The following KIF13B variants were observed in gnomAD, a reference collection of about 807,000 sequenced individuals.
KIF13B encodes kinesin-like protein KIF13B.
A neutral mutation model predicts 222.0 loss-of-function variants in KIF13B; 127 were observed. The observed-to-expected ratio is 0.57, with a 90% confidence interval of 0.50 to 0.66. KIF13B has a LOEUF of 0.66. Among genes scored for constraint, KIF13B ranks in the 30% least tolerant of loss-of-function variants. The pLI is 0.00. For missense variants in KIF13B, 2,173 were observed against 2,379.0 expected (o/e 0.91, Z 1.80); for synonymous variants, 976 against 919.0 (o/e 1.06, Z -1.12).
chr8:29,080,327 C>CAAAAA (rs5890439), intron 37 of KIF13B, among the ~76,000 whole-genome samples: 4 of 67,108 alleles, frequency 6.0e-5, no homozygotes, highest in Non-Finnish European at 7.9e-5. Context: ...GACCCAGTCT[C>CAAAAA]AAAAAAAAAA....
intron 13 of KIF13B, among the ~76,000 whole-genome samples, chr8:29,156,093 C>CG: frequency 1.3e-5 from 2 of 152,166 alleles, no homozygotes; most frequent in Admixed American, 1.3e-4. Flanking sequence ...CTCAGCCACC[C>CG]GAGTAGCTGG....
At position 29,134,195 on chromosome 8, in the gene KIF13B, C is replaced by G. The variant is rs1810463818; in HGVS notation, c.2629G>C (p.Ala877Pro). Residue 877 changes from alanine (A) to proline (P), a missense_variant, in exon 22 of 40, where the codon GCT becomes CCT. Ala to Pro is a conservative substitution (Grantham distance 27). Around this residue, in one of 2 missense-constraint regions of KIF13B, gnomAD observed 1,480 missense variants for 1,722.8 expected, o/e 0.86. Transcript: ENST00000524189. ...GACAGATGCTGTGGCAACCCAGTAG[C>G]TTGCAGGATTTTAACCTGAAGGAAA... ...KLVCMVKILQ[A>P]TGLPQHLSHF... 3 of 1,613,698 alleles carry G rather than the reference C, an allele frequency of 1.9e-6. No homozygotes were observed. The highest frequency in any genetic ancestry group is 2.5e-6 in the Non-Finnish European group (3 of 1,179,846).
intron 2 of KIF13B, among the ~76,000 whole-genome samples, chr8:29,225,635 G>A (rs1396254126): frequency 1.3e-5 from 2 of 152,222 alleles, no homozygotes; most frequent in Non-Finnish European, 2.9e-5. Flanking sequence ...GTGTTTCTAA[G>A]CAGAGATTTT....
intron 29 of KIF13B, 150 bp downstream of exon 29, chr8:29,122,441 C>T (rs982854088): frequency 2.4e-5 from 16 of 653,706 alleles, no homozygotes; most frequent in South Asian, 5.6e-5. Flanking sequence ...CCAATCAGTC[C>T]GTCTGCAACC....
chr8:29,174,229 A>G (rs1200795062), intron 10 of KIF13B, among the ~76,000 whole-genome samples: 1 of 152,136 alleles, frequency 6.6e-6, no homozygotes, highest in Non-Finnish European at 1.5e-5. Context: ...TATAACTGCA[A>G]GTTTGTTCAC....
At chr8:29,092,478 C>T (rs1395048562) in intron 37 of KIF13B, among the ~76,000 whole-genome samples, 2 of 152,300 alleles carry the variant, frequency 1.3e-5, no homozygotes, top group African/African-American at 2.4e-5. Flanking sequence ...ATTTTACTAC[C>T]GCTGCTCTAA....
In KIF13B at chr8:29,078,127, CAAAAAAA is replaced by C. The variant is rs10530503; in HGVS notation, c.4459-2791_4459-2785del. On this transcript the variant is annotated intron_variant, in intron 37 of 39. Coordinates refer to ENST00000524189, the MANE Select transcript of KIF13B (RefSeq NM_015254.4). ...GTGAAACCGTGTCTCTACTAAAATC[CAAAAAAA>C]AAAAAAAAAAATTAGCAGGGCATGG... Among the ~76,000 whole-genome samples, 3 of 74,306 alleles carry C rather than the reference CAAAAAAA, an allele frequency of 4.0e-5. 1 individual carries two copies. The highest frequency in any genetic ancestry group is 1.2e-4 in the African/African-American group (2 of 16,710). 48.7% of individuals were successfully genotyped at this position (74,306 alleles called of 152,430 possible).
Position 29,228,472 on chromosome 8 carries a change from A to AAAAAAAAAAATATATATATATAT in KIF13B, c.149+16873_149+16874insATATATATATATATTTTTTTTTT. 2.0e-4 allele frequency among the ~76,000 whole-genome samples: 24 copies of AAAAAAAAAAATATATATATATAT among 117,076 alleles called. 1 individual carries two copies. The highest frequency in any genetic ancestry group is 5.2e-4 in the African/African-American group (16 of 30,722). The allele number at this position is 117,076 out of a possible 152,430, so 76.8% of individuals were successfully genotyped here. ...ACAGAGCCAGACTCCATCTTAAAAAAATATATATATATATATATGAGATAC... is the reference window on the plus strand; with the variant it reads ...ACAGAGCCAGACTCCATCTTAAAAAAAAAAAAAAAATATATATATATATATATATATATATATATATGAGATAC... On this transcript the variant is annotated intron_variant, in intron 2 of 39. Coordinates refer to ENST00000524189, the MANE Select transcript of KIF13B (RefSeq NM_015254.4).
At chr8:29,167,218 CTTTA>C (rs1443006717) in intron 11 of KIF13B, among the ~76,000 whole-genome samples, 151 bp downstream of exon 11, 1 of 152,150 alleles carries the variant, frequency 6.6e-6, no homozygotes, top group African/African-American at 2.4e-5. Context: ...GACAACCTTC[CTTTA>C]TTTATTACTC....
At chr8:29,093,062 C>T (rs968139284) in intron 36 of KIF13B, among the ~76,000 whole-genome samples, 184 bp from the exon 37 acceptor site, 14 of 152,124 alleles carry the variant, frequency 9.2e-5, no homozygotes, top group Admixed American at 3.3e-4. Flanking sequence ...AGTAATGTCT[C>T]TTTTTCAATT....
chr8:29,225,897 C>CA (rs1814998843), intron 2 of KIF13B, among the ~76,000 whole-genome samples: 2 of 152,342 alleles, frequency 1.3e-5, no homozygotes, highest in African/African-American at 4.8e-5. Context: ...GAAACACTGA[C>CA]AATCTGGCCC....
intron 37 of KIF13B, among the ~76,000 whole-genome samples, chr8:29,082,136 C>T: frequency 6.6e-6 from 1 of 152,316 alleles, no homozygotes; most frequent in East Asian, 1.9e-4. Context: ...GTGAGCAAAA[C>T]TAGTCCCTGT....
At chr8:29,235,117 G>A (rs1815449782) in intron 2 of KIF13B, among the ~76,000 whole-genome samples, 1 of 152,072 alleles carries the variant, frequency 6.6e-6, no homozygotes, top group Admixed American at 6.6e-5. Context: ...CCTAATATTA[G>A]ATCACAAAGA....
intron 1 of KIF13B, among the ~76,000 whole-genome samples, chr8:29,255,330 C>A (rs1311983060): frequency 1.3e-5 from 2 of 152,156 alleles, no homozygotes; most frequent in African/African-American, 4.8e-5. Flanking sequence ...CCAGTACCCT[C>A]AATAGATAGA....
chr8:29,094,729 A>T (rs1267081118), intron 36 of KIF13B, among the ~76,000 whole-genome samples: 1 of 152,260 alleles, frequency 6.6e-6, no homozygotes, highest in African/African-American at 2.4e-5. Context: ...TGGATTTAAC[A>T]GACAACGACT....
At chr8:29,236,687 A>G (rs937750866) in intron 2 of KIF13B, among the ~76,000 whole-genome samples, 14 of 152,206 alleles carry the variant, frequency 9.2e-5, no homozygotes, top group Non-Finnish European at 1.3e-4. Context: ...TGATAGAAGT[A>G]AAGCAAAGGT....
At chr8:29,215,615 C>G (rs985513687) in intron 2 of KIF13B, among the ~76,000 whole-genome samples, 5 of 152,176 alleles carry the variant, frequency 3.3e-5, no homozygotes, top group Non-Finnish European at 7.4e-5. Context: ...TTGTATGAAC[C>G]TAGTAGGTCG....
intron 37 of KIF13B, among the ~76,000 whole-genome samples, chr8:29,083,908 T>C (rs1423076199): frequency 6.6e-6 from 1 of 152,006 alleles, no homozygotes; most frequent in African/African-American, 2.4e-5. Context: ...AAGGCCTAGA[T>C]GTGTTTTTTG....
At chr8:29,176,722 A>G (rs1812494896) in intron 9 of KIF13B, among the ~76,000 whole-genome samples, 1 of 152,208 alleles carries the variant, frequency 6.6e-6, no homozygotes, top group South Asian at 2.1e-4. Flanking sequence ...TTCGTAGCAC[A>G]GGATCACCCC....
Sources: allele counts gnomAD v4.1 joint callset (sites outside exome capture counted in the v4.1 genomes callset), GRCh38; gene constraint gnomAD v4.1.1; regional missense constraint gnomAD v4.1.1; transcripts MANE v1.5; gene names NCBI Gene and HGNC (gene_info 2026-07-23, HGNC 2026-07-21).